F2RL3: variants seen among roughly 807,000 people sequenced by gnomAD.
F2RL3 encodes F2R like thrombin or trypsin receptor 3.
In F2RL3, 3 loss-of-function variants were observed where a neutral mutation model predicts 4.9. That is an observed-to-expected ratio of 0.61 (90% CI 0.28 to 1.58). The LOEUF (loss-of-function observed/expected upper bound fraction) is 1.58, where lower values mean the gene tolerates loss of function less well. F2RL3 is among the 40% of genes most tolerant of loss of function. The pLI is 0.11. For missense variants in F2RL3, 564 were observed against 550.4 expected, an observed-to-expected ratio of 1.02 and a Z score of -0.25; for synonymous variants, 284 against 278.4, an observed-to-expected ratio of 1.02 and a Z score of -0.20.
In F2RL3 at chr19:16,890,523, G is replaced by T; in HGVS notation, c.1060G>T (p.Gly354Trp). 5 of 1,612,426 alleles carry T rather than the reference G, an allele frequency of 3.1e-6. No individual in the cohort carries two copies. Among genetic ancestry groups the T allele is most frequent in the Non-Finnish European group, 4.2e-6 (5 of 1,179,860 alleles). ...SAEFRDKVRA[G>W]LFQRSPGDTV... ...CGAGTTCAGGGACAAGGTGCGGGCAGGGCTCTTCCAACGGTCGCCGGGGGA... is the reference window on the plus strand; with the variant it reads ...CGAGTTCAGGGACAAGGTGCGGGCATGGCTCTTCCAACGGTCGCCGGGGGA... The change falls in exon 2 of 2, where the codon GGG becomes TGG. Residue 354 changes from glycine to tryptophan, a missense_variant. By Grantham distance (184) the Gly-to-Trp change is radical (BLOSUM62 -2). Transcript: ENST00000248076.
chr19:16,890,675 C>T lies in F2RL3; in HGVS notation c.*54C>T. ...GAACAGGGTCCCTTCCCCCACTTCA[C>T]GTCCTTCCTGGGACCTCAGAATGTG... On this transcript the variant is annotated 3_prime_UTR_variant, in exon 2 of 2. Coordinates refer to ENST00000248076, the MANE Select transcript of F2RL3 (RefSeq NM_003950.4). 6.9e-6 allele frequency: 9 copies of T among 1,296,688 alleles called. No individual in the cohort carries two copies. The highest frequency in any genetic ancestry group is 1.4e-5 in the South Asian group (1 of 72,418). 80.3% of individuals were successfully genotyped at this position (1,296,688 alleles called of 1,614,324 possible).
In F2RL3 at chr19:16,892,523, G is replaced by C. The variant is rs375615235; in HGVS notation, c.*1902G>C. ...GGGGTGGGGGTGGACAGTGTGTGCT[G>C]GGGGGTTCGGGTGCTGCAGACCTGG... On this transcript the variant is annotated 3_prime_UTR_variant, in exon 2 of 2. Coordinates refer to ENST00000248076, the MANE Select transcript of F2RL3 (RefSeq NM_003950.4). The C allele has an allele frequency of 6.3e-6, 1 of 158,130 alleles. No homozygotes were observed. Among genetic ancestry groups the C allele is most frequent in the Non-Finnish European group, 1.4e-5 (1 of 71,566 alleles). 9.8% of individuals were successfully genotyped at this position (158,130 alleles called of 1,614,324 possible).
In F2RL3 at chr19:16,889,912, G is replaced by T; in HGVS notation, c.449G>T (p.Arg150Leu). Residue 150 changes from arginine (R) to leucine (L), a missense_variant, in exon 2 of 2, where the codon CGC (arginine) becomes CTC (leucine). Physicochemically the swap from Arg to Leu is moderately radical, Grantham distance 102. Coordinates refer to ENST00000248076, the MANE Select transcript of F2RL3 (RefSeq NM_003950.4). Reference sequence around the variant, plus strand: ...TGGCCCTTCGGGGAGGCCGCCTGCCGCCTGGCCACGGCCGCACTCTATGGT... The same window carrying T: ...TGGCCCTTCGGGGAGGCCGCCTGCCTCCTGGCCACGGCCGCACTCTATGGT... ...QRWPFGEAAC[R>L]LATAALYGHM... 4 of 1,581,570 alleles carry T rather than the reference G, an allele frequency of 2.5e-6. No homozygotes were observed. Among genetic ancestry groups the T allele is most frequent in the Non-Finnish European group, 3.4e-6 (4 of 1,168,798 alleles).
In F2RL3 at chr19:16,890,210, G is replaced by A. The variant is rs762598716; in HGVS notation, c.747G>A (p.Ala249=). The A allele has an allele frequency of 1.0e-5, 16 of 1,585,560 alleles. No homozygotes were observed. Among genetic ancestry groups the A allele is most frequent in the Non-Finnish European group, 1.4e-5 (16 of 1,172,620 alleles). The stretch of plus-strand genomic sequence containing the variant: ...GGCAACCGGCCTTCACCTGCCTGGC[G>A]CTGTTGGGCTGTTTCCTGCCCCTGC... ...SHWQPAFTCL[A]LLGCFLPLLA... is the part of the protein sequence containing the mutation. Residue 249 remains alanine (A), a synonymous_variant, in exon 2 of 2, where the codon GCG becomes GCA. Coordinates refer to ENST00000248076, the MANE Select transcript of F2RL3 (RefSeq NM_003950.4).
In F2RL3 at chr19:16,890,167, A is replaced by G; in HGVS notation, c.704A>G (p.Asp235Gly). The change falls in exon 2 of 2, where the codon GAC becomes GGC. Residue 235 changes from aspartate to glycine, a missense_variant. Asp to Gly is a moderately conservative substitution (Grantham distance 94, BLOSUM62 -1). Transcript: ENST00000248076. Reference sequence around the variant, plus strand: ...CTCTGCCATGACGCGCTGCCCCTGGACGCACAGGCCTCCCACTGGCAACCG... The same window carrying G: ...CTCTGCCATGACGCGCTGCCCCTGGGCGCACAGGCCTCCCACTGGCAACCG... Reference protein sequence around the residue: ...RVLCHDALPLDAQASHWQPAF... With the variant: ...RVLCHDALPLGAQASHWQPAF... The G allele has an allele frequency of 6.3e-7, 1 of 1,594,504 alleles. No individual in the cohort carries two copies. The highest frequency in any genetic ancestry group is 8.5e-7 in the Non-Finnish European group (1 of 1,177,530).
chr19:16,890,019 G>A lies in F2RL3; in HGVS notation c.556G>A (p.Ala186Thr), dbSNP rs772908990. 1.1e-5 allele frequency: 18 copies of A among 1,596,936 alleles called. No homozygotes were observed. Among genetic ancestry groups the A allele is most frequent in the African/African-American group, 5.3e-5 (4 of 74,814 alleles). ...CCTGGTGCACCCGCTGCGGGCCCGCGCCCTGCGTGGCCGGCGCCTGGCCCT... is the reference window on the plus strand; with the variant it reads ...CCTGGTGCACCCGCTGCGGGCCCGCACCCTGCGTGGCCGGCGCCTGGCCCT... ...LALVHPLRAR[A>T]LRGRRLALGL... Residue 186 changes from alanine (A) to threonine (T), a missense_variant, in exon 2 of 2, where the codon GCC becomes ACC. Transcript: ENST00000248076.
chr19:16,889,420 C>T (rs773903), intron 1 of F2RL3, 122 bp downstream of exon 1: 256,294 of 1,151,092 alleles, frequency 0.22, 36,559 homozygotes, highest in African/African-American at 0.66. Flanking sequence ...CTCTGTATCC[C>T]GTCTCTGACC....
chr19:16,890,276 G>A lies in F2RL3; in HGVS notation c.813G>A (p.Leu271=). The stretch of plus-strand genomic sequence containing the variant: ...GCTACGGGGCCACCCTGCACACGCT[G>A]GCGGCCAGCGGCCGGCGCTACGGCC... ...LLCYGATLHT[L]AASGRRYGHA... Residue 271 remains leucine (L), a synonymous_variant, in exon 2 of 2, where the codon CTG becomes CTA. Transcript: ENST00000248076. 1 of 1,557,542 alleles carries A rather than the reference G, an allele frequency of 6.4e-7. No individual in the cohort carries two copies. The highest frequency in any genetic ancestry group is 8.6e-7 in the Non-Finnish European group (1 of 1,157,704).
chr19:16,890,223 T>C lies in F2RL3; in HGVS notation c.760T>C (p.Phe254Leu). ...CACCTGCCTGGCGCTGTTGGGCTGTTTCCTGCCCCTGCTGGCCATGCTGCT... is the reference window on the plus strand; with the variant it reads ...CACCTGCCTGGCGCTGTTGGGCTGTCTCCTGCCCCTGCTGGCCATGCTGCT... ...AFTCLALLGC[F>L]LPLLAMLLCY... Residue 254 changes from phenylalanine to leucine, a missense_variant, in exon 2 of 2, where the codon TTC becomes CTC. Physicochemically the swap from Phe to Leu is conservative, Grantham distance 22. Transcript: ENST00000248076. 2 of 1,582,304 alleles carry C rather than the reference T, an allele frequency of 1.3e-6. No homozygotes were observed. The highest frequency in any genetic ancestry group is 1.7e-6 in the Non-Finnish European group (2 of 1,170,744).
At position 16,889,124 on chromosome 19, in the gene F2RL3, C is replaced by G. The variant is rs1234405310; in HGVS notation, c.-66C>G. ...TGCTCGTCCGCCTCGGCTCCAGAAGCTGGGGCTCAGGGTCCGGCGAGGCAG... is the reference window on the plus strand; with the variant it reads ...TGCTCGTCCGCCTCGGCTCCAGAAGGTGGGGCTCAGGGTCCGGCGAGGCAG... On this transcript the variant is annotated 5_prime_UTR_variant, in exon 1 of 2. Transcript: ENST00000248076. The G allele has an allele frequency of 2.5e-6, 3 of 1,218,208 alleles. No individual in the cohort carries two copies. Among genetic ancestry groups the G allele is most frequent in the Non-Finnish European group, 3.3e-6 (3 of 908,736 alleles). 75.5% of individuals were successfully genotyped at this position (1,218,208 alleles called of 1,614,324 possible).
rs1233874941 is a variant in F2RL3, at chr19:16,889,107, C to T, written c.-83C>T. On this transcript the variant is annotated 5_prime_UTR_variant, in exon 1 of 2. Coordinates refer to ENST00000248076, the MANE Select transcript of F2RL3 (RefSeq NM_003950.4). ...TCTCTACCGGCGCGATCTGCTCGTC[C>T]GCCTCGGCTCCAGAAGCTGGGGCTC... The T allele has an allele frequency of 1.4e-5, 15 of 1,062,412 alleles. No individual in the cohort carries two copies. The highest frequency in any genetic ancestry group is 1.2e-4 in the Admixed American group (4 of 32,108). 65.8% of individuals were successfully genotyped at this position (1,062,412 alleles called of 1,614,324 possible). A position where few individuals can be genotyped will look rare whatever the true frequency, so the allele number is the denominator to read the frequency against.
chr19:16,889,885 G>C lies in F2RL3; in HGVS notation c.422G>C (p.Arg141Pro), dbSNP rs780756775. ...ATCGCCTACCACCTGCGTGGCCAGCGCTGGCCCTTCGGGGAGGCCGCCTGC... is the reference window on the plus strand; with the variant it reads ...ATCGCCTACCACCTGCGTGGCCAGCCCTGGCCCTTCGGGGAGGCCGCCTGC... ...PRIAYHLRGQ[R>P]WPFGEAACRL... The change falls in exon 2 of 2, where the codon CGC becomes CCC. Residue 141 changes from arginine (R) to proline (P), a missense_variant. Arg to Pro is a moderately radical substitution (Grantham distance 103). Transcript: ENST00000248076. The C allele has an allele frequency of 6.3e-7, 1 of 1,586,958 alleles. No individual in the cohort carries two copies. Among genetic ancestry groups the C allele is most frequent in the African/African-American group, 1.3e-5 (1 of 74,622 alleles).
rs2227343 is a variant in F2RL3, at chr19:16,889,140, G to A, written c.-50G>A. The A allele has an allele frequency of 9.2e-3, 12,224 of 1,333,128 alleles. 803 individuals carry two copies. The African/African-American group carries it at 0.15, about 17-fold the overall frequency. The allele number at this position is 1,333,128 out of a possible 1,614,324, so 82.6% of individuals were successfully genotyped here. ...CTCCAGAAGCTGGGGCTCAGGGTCCGGCGAGGCAGGAAGCCTGAGGCCACA... is the reference window on the plus strand; with the variant it reads ...CTCCAGAAGCTGGGGCTCAGGGTCCAGCGAGGCAGGAAGCCTGAGGCCACA... On this transcript the variant is annotated 5_prime_UTR_variant, in exon 1 of 2. Transcript: ENST00000248076.
Position 16,889,605 on chromosome 19 carries a change from G to A in F2RL3, c.142G>A (p.Gly48Ser), listed in dbSNP as rs760520458. The change falls in exon 2 of 2, where the codon GGC (glycine) becomes AGC (serine). Residue 48 changes from glycine (G) to serine (S), a missense_variant. By Grantham distance (56) the Gly-to-Ser change is moderately conservative. Transcript: ENST00000248076. ...GCCCTCAATCCTGCCTGCCCCCCGCGGCTACCCAGGCCAAGTCTGTGCCAA... is the reference window on the plus strand; with the variant it reads ...GCCCTCAATCCTGCCTGCCCCCCGCAGCTACCCAGGCCAAGTCTGTGCCAA... The part of the protein sequence containing the change: ...STPSILPAPR[G>S]YPGQVCANDS... The A allele has an allele frequency of 3.1e-6, 5 of 1,593,104 alleles. No homozygotes were observed. The highest frequency in any genetic ancestry group is 4.3e-6 in the Non-Finnish European group (5 of 1,167,738).
chr19:16,890,378 G>A lies in F2RL3; in HGVS notation c.915G>A (p.Leu305=), dbSNP rs777359378. 1.0e-5 allele frequency: 16 copies of A among 1,607,644 alleles called. 1 individual carries two copies. The highest frequency in any genetic ancestry group is 3.3e-5 in the South Asian group (3 of 90,488). Residue 305 remains leucine, a synonymous_variant, in exon 2 of 2, where the codon CTG becomes CTA. Coordinates refer to ENST00000248076, the MANE Select transcript of F2RL3 (RefSeq NM_003950.4). ...FFVPSNLLLL[L]HYSDPSPSAW... ...TGCCCAGCAACCTGCTGCTGCTGCT[G>A]CATTACTCGGACCCGAGCCCCAGCG...
Position 16,889,561 on chromosome 19 carries a change from T to C in F2RL3, c.110-12T>C, listed in dbSNP as rs375034143. 2.6e-6 allele frequency: 4 copies of C among 1,543,282 alleles called. No individual in the cohort carries two copies. Among genetic ancestry groups the C allele is most frequent in the African/African-American group, 1.4e-5 (1 of 73,606 alleles). On this transcript the variant is annotated splice_polypyrimidine_tract_variant and intron_variant, in intron 1 of 1. Coordinates refer to ENST00000248076, the MANE Select transcript of F2RL3 (RefSeq NM_003950.4). ...GAGGCAGGGGCTGACTGAGGTCCCCTCTCTCTCCCAGACAGCACGCCCTCA... is the reference window on the plus strand; with the variant it reads ...GAGGCAGGGGCTGACTGAGGTCCCCCCTCTCTCCCAGACAGCACGCCCTCA...
In F2RL3 at chr19:16,890,827, G is replaced by C. The variant is rs1263638029; in HGVS notation, c.*206G>C. On this transcript the variant is annotated 3_prime_UTR_variant, in exon 2 of 2. Coordinates refer to ENST00000248076, the MANE Select transcript of F2RL3 (RefSeq NM_003950.4). ...GGAGAGGCCAGGCCTGGTGGCTCAC[G>C]CCTGTAATCCCAGCACTTTAAGAGG... 1 of 584,162 alleles carries C rather than the reference G, an allele frequency of 1.7e-6. No homozygotes were observed. 36.2% of individuals were successfully genotyped at this position (584,162 alleles called of 1,614,324 possible). A position where few individuals can be genotyped will look rare whatever the true frequency, so the allele number is the denominator to read the frequency against.
Position 16,889,902 on chromosome 19 carries a change from G to T in F2RL3, c.439G>T (p.Ala147Ser). 1 of 1,579,610 alleles carries T rather than the reference G, an allele frequency of 6.3e-7. No individual in the cohort carries two copies. Among genetic ancestry groups the T allele is most frequent in the Non-Finnish European group, 8.6e-7 (1 of 1,168,358 alleles). Reference protein sequence around the residue: ...LRGQRWPFGEAACRLATAALY... With the variant: ...LRGQRWPFGESACRLATAALY... ...TGGCCAGCGCTGGCCCTTCGGGGAG[G>T]CCGCCTGCCGCCTGGCCACGGCCGC... The change falls in exon 2 of 2, where the codon GCC (alanine) becomes TCC (serine). Residue 147 changes from alanine to serine, a missense_variant. Physicochemically the swap from Ala to Ser is moderately conservative, Grantham distance 99. Coordinates refer to ENST00000248076, the MANE Select transcript of F2RL3 (RefSeq NM_003950.4).
In F2RL3 at chr19:16,890,665, C is replaced by T. The variant is rs753334012; in HGVS notation, c.*44C>T. On this transcript the variant is annotated 3_prime_UTR_variant, in exon 2 of 2. Transcript: ENST00000248076. ...GTACTGGGTCGAACAGGGTCCCTTC[C>T]CCCACTTCACGTCCTTCCTGGGACC... 4.4e-6 allele frequency: 6 copies of T among 1,369,796 alleles called. No individual in the cohort carries two copies. Among genetic ancestry groups the T allele is most frequent in the South Asian group, 2.6e-5 (2 of 75,558 alleles). The allele number at this position is 1,369,796 out of a possible 1,614,324, so 84.9% of individuals were successfully genotyped here. A position where few individuals can be genotyped will look rare whatever the true frequency, so the allele number is the denominator to read the frequency against.
Sources: allele counts gnomAD v4.1 joint callset, GRCh38; gene constraint gnomAD v4.1.1; transcripts MANE v1.5; gene names NCBI Gene and HGNC (gene_info 2026-07-23, HGNC 2026-07-21).